The following KLF12 variants were observed in gnomAD, a reference collection of about 807,000 sequenced individuals.
KLF12 encodes KLF transcription factor 12.
Under a neutral mutation model 37.8 loss-of-function variants are expected in KLF12, and 9 were observed. The observed-to-expected ratio is 0.24, with a 90% CI of 0.14 to 0.42. KLF12 has a LOEUF of 0.42. Ranked by LOEUF, KLF12 falls within the 10% of genes least tolerant of loss-of-function variation. The pLI is 1.00. For synonymous variants in KLF12, 208 were observed against 202.1 expected (o/e 1.03, Z -0.25); for missense variants, 411 against 516.0 (o/e 0.80, Z 1.97).
intron 7 of KLF12, among the ~76,000 whole-genome samples, chr13:73,703,520 C>A (rs1874707654): frequency 6.6e-6 from 1 of 152,116 alleles, no homozygotes; most frequent in Non-Finnish European, 1.5e-5. Context: ...AATTAATTGG[C>A]TATCTTTTTC....
rs1344529968 is a variant in KLF12, at chr13:73,688,607, T to C, written c.*6883A>G. The C allele has an allele frequency of 6.6e-6, 1 of 152,196 alleles. No individual in the cohort carries two copies. Among genetic ancestry groups the C allele is most frequent in the Non-Finnish European group, 1.5e-5 (1 of 68,040 alleles). 9.4% of individuals were successfully genotyped at this position (152,196 alleles called of 1,614,324 possible). A position where few individuals can be genotyped will look rare whatever the true frequency, so the allele number is the denominator to read the frequency against. On this transcript the variant is annotated 3_prime_UTR_variant, in exon 8 of 8. Transcript: ENST00000377669. Reference sequence around the variant, plus strand: ...ATTTTGGAGCTCCAGGCCAGACATTTATGAGAAAAGTGACAAGTTCGGGGA... The same window carrying C: ...ATTTTGGAGCTCCAGGCCAGACATTCATGAGAAAAGTGACAAGTTCGGGGA...
the KLF12 span, among the ~76,000 whole-genome samples, chr13:74,152,382 C>G: frequency 6.6e-6 from 1 of 152,170 alleles, no homozygotes; most frequent in African/African-American, 2.4e-5. Flanking sequence ...ACTCCCCTCT[C>G]AAACATTAGC....
rs1880227254 is a variant in KLF12 at position 73,770,904 on chromosome 13, C to G, written c.807-5904G>C. The stretch of plus-strand genomic sequence containing the variant: ...ACTGAAAGAGAGAAGTTAAACTGTG[C>G]TAAAAATATTACATTTTGAAGGAAA... On this transcript the variant is annotated intron_variant, in intron 5 of 7. Coordinates refer to ENST00000377669, the MANE Select transcript of KLF12 (RefSeq NM_007249.5). 2.0e-5 allele frequency among the ~76,000 whole-genome samples: 3 copies of G among 152,076 alleles called. No homozygotes were observed. The South Asian group carries it at 6.2e-4, about 31-fold the overall frequency.
intron 4 of KLF12, among the ~76,000 whole-genome samples, chr13:73,816,476 G>C (rs1166196628): frequency 2.0e-5 from 3 of 152,222 alleles, no homozygotes; most frequent in Admixed American, 6.5e-5. Flanking sequence ...CGGAGTTGGA[G>C]GTGTTCTGGA....
chr13:74,285,454 C>G, the KLF12 span, among the ~76,000 whole-genome samples: 3 of 152,196 alleles, frequency 2.0e-5, no homozygotes, highest in Non-Finnish European at 2.9e-5. Context: ...TAATGGCCGA[C>G]TAAGCTCTTA....
intron 7 of KLF12, among the ~76,000 whole-genome samples, chr13:73,707,914 A>C (rs1345679507): frequency 6.6e-6 from 1 of 152,178 alleles, no homozygotes; most frequent in Non-Finnish European, 1.5e-5. Context: ...AGAATCTGCA[A>C]TCATTTAGGA....
At chr13:73,822,842 C>G (rs1370243476) in intron 4 of KLF12, among the ~76,000 whole-genome samples, 1 of 152,158 alleles carries the variant, frequency 6.6e-6, no homozygotes, top group Non-Finnish European at 1.5e-5. Flanking sequence ...GCCAAGAGCC[C>G]TGAACTCTAG....
At chr13:73,789,661 A>G (rs945778001) in intron 5 of KLF12, among the ~76,000 whole-genome samples, 1 of 148,390 alleles carries the variant, frequency 6.7e-6, no homozygotes, top group Admixed American at 6.7e-5. Flanking sequence ...TCCCAAATAC[A>G]CTATCTCTAA....
At chr13:74,304,916 C>T in the KLF12 span, among the ~76,000 whole-genome samples, 13 of 152,100 alleles carry the variant, frequency 8.5e-5, no homozygotes, top group South Asian at 4.1e-4. Flanking sequence ...TCTGTCATTC[C>T]GCATTGCCGA....
At chr13:74,221,083 C>A in the KLF12 span, among the ~76,000 whole-genome samples, 1 of 151,272 alleles carries the variant, frequency 6.6e-6, no homozygotes, top group African/African-American at 2.4e-5. Flanking sequence ...CGGCTCACTG[C>A]AAGCTCCGCC....
At chr13:74,025,608 A>G (rs1339879651) in intron 1 of KLF12, among the ~76,000 whole-genome samples, 1 of 152,178 alleles carries the variant, frequency 6.6e-6, no homozygotes, top group Non-Finnish European at 1.5e-5. Context: ...AACAGATGCA[A>G]GAGTTCTGGC....
At chr13:74,071,549 C>A (rs1392705178) in intron 1 of KLF12, among the ~76,000 whole-genome samples, 1 of 151,640 alleles carries the variant, frequency 6.6e-6, no homozygotes. Context: ...AAAAATTAGC[C>A]GGGCGTGGTG....
At chr13:74,035,275 C>T (rs1458776594) in intron 1 of KLF12, among the ~76,000 whole-genome samples, 1 of 152,196 alleles carries the variant, frequency 6.6e-6, no homozygotes, top group Admixed American at 6.5e-5. Context: ...GCAGATGCTA[C>T]ATACATAGTT....
the KLF12 span, among the ~76,000 whole-genome samples, chr13:74,217,588 G>T: frequency 8.5e-5 from 13 of 152,092 alleles, no homozygotes; most frequent in African/African-American, 3.1e-4. Context: ...TTAGCCGGGC[G>T]TGGTGGTGTG....
In KLF12 at chr13:73,694,455, T is replaced by C. The variant is rs1337282580; in HGVS notation, c.*1035A>G. 1 of 152,650 alleles carries C rather than the reference T, an allele frequency of 6.6e-6. No homozygotes were observed. The highest frequency in any genetic ancestry group is 2.4e-5 in the African/African-American group (1 of 41,458). The allele number at this position is 152,650 out of a possible 1,614,324, so 9.5% of individuals were successfully genotyped here. ...TGGTAACGTGAGTCCTCAGTGAAGTTATTGTAGGAAAGTCCTTTTATTCAT... is the reference window on the plus strand; with the variant it reads ...TGGTAACGTGAGTCCTCAGTGAAGTCATTGTAGGAAAGTCCTTTTATTCAT... On this transcript the variant is annotated 3_prime_UTR_variant, in exon 8 of 8. Transcript: ENST00000377669.
At chr13:73,994,890 G>T in intron 2 of KLF12, 100 bp downstream of exon 2, 1 of 803,684 alleles carries the variant, frequency 1.2e-6, no homozygotes. Context: ...CCTCTGTCTC[G>T]TATTCACACA....
intron 1 of KLF12, among the ~76,000 whole-genome samples, chr13:74,132,373 G>T (rs1878308241): frequency 6.6e-6 from 1 of 152,136 alleles, no homozygotes; most frequent in Non-Finnish European, 1.5e-5. Context: ...GATGTCTACC[G>T]AAGTCACTAG....
At chr13:73,928,320 A>G (rs1217290813) in intron 3 of KLF12, among the ~76,000 whole-genome samples, 1 of 152,264 alleles carries the variant, frequency 6.6e-6, no homozygotes, top group African/African-American at 2.4e-5. Flanking sequence ...CACAATGGTT[A>G]CAATTATCTC....
intron 3 of KLF12, among the ~76,000 whole-genome samples, chr13:73,921,730 G>A (rs1566461085): frequency 1.3e-5 from 2 of 152,114 alleles, no homozygotes; most frequent in Non-Finnish European, 2.9e-5. Flanking sequence ...GTTAAGAAGT[G>A]CCTCCCCTGG....
Sources: gnomAD v4.1 joint callset for allele counts (sites outside exome capture counted in the v4.1 genomes callset) on GRCh38, gnomAD v4.1.1 for gene constraint, MANE v1.5 for transcripts, NCBI Gene and HGNC (gene_info 2026-07-23, HGNC 2026-07-21) for gene names.